Variants in PLD5 observed in about 807,000 individuals in gnomAD.
PLD5 encodes inactive phospholipase D5.
Under a neutral mutation model 61.1 loss-of-function variants are expected in PLD5, and 36 were observed. The ratio of observed to expected loss-of-function variants is 0.59; its 90% CI spans 0.45 to 0.78. PLD5 has a LOEUF of 0.78. Ranked by LOEUF, PLD5 falls within the 30% of genes least tolerant of loss-of-function variation. The pLI, the probability that PLD5 is intolerant of heterozygous loss-of-function variation, is 0.00. For synonymous variants in PLD5, 243 were observed against 242.8 expected, an observed-to-expected ratio of 1.00 and a Z score of -0.01; for missense variants, 515 against 644.4, an observed-to-expected ratio of 0.80 and a Z score of 2.17.
At chr1:242,396,697 G>A (rs1479889158) in intron 1 of PLD5, among the ~76,000 whole-genome samples, 3 of 116,356 alleles carry the variant, frequency 2.6e-5, no homozygotes, top group South Asian at 3.1e-4. Context: ...TTTTTGAGAC[G>A]GAGTCTCACT....
At chr1:242,329,288 G>T (rs111602988) in intron 2 of PLD5, among the ~76,000 whole-genome samples, 2 of 152,108 alleles carry the variant, frequency 1.3e-5, no homozygotes, top group African/African-American at 4.8e-5. Context: ...GGGATTATAC[G>T]CATGAGCCAC....
intron 1 of PLD5, among the ~76,000 whole-genome samples, chr1:242,515,265 T>A (rs1357337365): frequency 6.6e-6 from 1 of 151,816 alleles, no homozygotes. Context: ...CAGGCTGGAG[T>A]GCAATGGCAC....
chr1:242,355,004 T>G (rs1660681240), intron 1 of PLD5, among the ~76,000 whole-genome samples: 1 of 152,054 alleles, frequency 6.6e-6, no homozygotes, highest in African/African-American at 2.4e-5. Flanking sequence ...CCTTTTCATG[T>G]GTTGTTGAAT....
rs1667337645 is a variant in PLD5 at position 242,468,312 on chromosome 1, A to T, written c.189+55776T>A. Among the ~76,000 whole-genome samples, 4 of 152,346 alleles carry T rather than the reference A, an allele frequency of 2.6e-5. No homozygotes were observed. The South Asian group carries it at 8.3e-4, about 32-fold the overall frequency. On this transcript the variant is annotated intron_variant, in intron 1 of 9. Transcript: ENST00000536534. Reference sequence around the variant, plus strand: ...GGTTAGATCAACACCTAATATACAGACAAACTGTATGTAATAGCCTCATAA... The same window carrying T: ...GGTTAGATCAACACCTAATATACAGTCAAACTGTATGTAATAGCCTCATAA...
At chr1:242,309,043 A>T (rs1676540254) in intron 2 of PLD5, among the ~76,000 whole-genome samples, 1 of 152,156 alleles carries the variant, frequency 6.6e-6, no homozygotes, top group Admixed American at 6.5e-5. Context: ...GAAGAAACTT[A>T]TGAGAAATCA....
Position 242,124,465 on chromosome 1 carries a change from C to T in PLD5, c.933+3G>A. 6.2e-7 allele frequency: 1 copy of T among 1,612,874 alleles called. No individual in the cohort carries two copies. The highest frequency in any genetic ancestry group is 1.3e-5 in the African/African-American group (1 of 74,968). On this transcript the variant is annotated splice_donor_region_variant and intron_variant, in intron 6 of 9. Transcript: ENST00000536534. ...AGGGGAGGAGAAAGGGAAAACAACTCACCGATACAAATGCTTGAGATTTGG... is the reference window on the plus strand; with the variant it reads ...AGGGGAGGAGAAAGGGAAAACAACTTACCGATACAAATGCTTGAGATTTGG...
intron 1 of PLD5, among the ~76,000 whole-genome samples, chr1:242,442,745 A>G (rs1666335369): frequency 6.6e-6 from 1 of 152,240 alleles, no homozygotes; most frequent in Non-Finnish European, 1.5e-5. Flanking sequence ...CAGGGAAAGG[A>G]AACACTTATA....
chr1:242,407,130 GT>G (rs1664274480), intron 1 of PLD5, among the ~76,000 whole-genome samples: 1 of 152,126 alleles, frequency 6.6e-6, no homozygotes, highest in South Asian at 2.1e-4. Context: ...TCTCATGATA[GT>G]GAGTAAGTCT....
intron 1 of PLD5, among the ~76,000 whole-genome samples, chr1:242,505,241 C>T (rs899151103): frequency 2.6e-5 from 4 of 152,128 alleles, no homozygotes; most frequent in South Asian, 2.1e-4. Flanking sequence ...CCCTAAAAAA[C>T]TGTCAAGTGA....
chr1:242,323,983 GAGTA>G (rs1558464826), intron 2 of PLD5, among the ~76,000 whole-genome samples: 1 of 152,052 alleles, frequency 6.6e-6, no homozygotes, highest in Non-Finnish European at 1.5e-5. Flanking sequence ...AAAAAAGAGA[GAGTA>G]AGTACATCCC....
chr1:242,093,048 A>G (rs1299149484), intron 9 of PLD5, among the ~76,000 whole-genome samples: 1 of 152,156 alleles, frequency 6.6e-6, no homozygotes, highest in Non-Finnish European at 1.5e-5. Context: ...CAGTGGCTTC[A>G]TGATAGACAT....
At chr1:242,118,402 AG>A (rs1662113451) in intron 6 of PLD5, among the ~76,000 whole-genome samples, 2 of 152,358 alleles carry the variant, frequency 1.3e-5, no homozygotes, top group South Asian at 4.1e-4. Flanking sequence ...TCAGTGACCA[AG>A]ACAAGATCCC....
intron 6 of PLD5, among the ~76,000 whole-genome samples, chr1:242,122,465 C>T (rs905532222): frequency 6.6e-5 from 10 of 152,214 alleles, no homozygotes; most frequent in African/African-American, 2.2e-4. Flanking sequence ...TCTGATCAAG[C>T]GATCCACGCT....
intron 5 of PLD5, among the ~76,000 whole-genome samples, chr1:242,187,362 T>TTGAG (rs1168756556): frequency 7.2e-4 from 109 of 152,350 alleles, no homozygotes; most frequent in African/African-American, 2.6e-3. Context: ...GGTCGTTTCC[T>TTGAG]TGAGTCATCA....
At chr1:242,378,659 G>C (rs1285229464) in intron 1 of PLD5, among the ~76,000 whole-genome samples, 1 of 151,948 alleles carries the variant, frequency 6.6e-6, no homozygotes, top group South Asian at 2.1e-4. Flanking sequence ...TGGCCAGCAC[G>C]ACAAAACCCT....
intron 1 of PLD5, among the ~76,000 whole-genome samples, chr1:242,510,965 T>C (rs2654893): frequency 0.92 from 140,502 of 152,284 alleles, 64,987 homozygotes; most frequent in East Asian, 1. Flanking sequence ...AGAGTGGACC[T>C]TGTGGGGGCT....
At chr1:242,266,592 T>A (rs368856670) in intron 3 of PLD5, among the ~76,000 whole-genome samples, 1 of 152,210 alleles carries the variant, frequency 6.6e-6, no homozygotes, top group South Asian at 2.1e-4. Flanking sequence ...AAAATGGTCT[T>A]CTTGTATTGA....
chr1:242,385,791 A>C (rs771895679), intron 1 of PLD5, among the ~76,000 whole-genome samples: 1 of 152,234 alleles, frequency 6.6e-6, no homozygotes, highest in Non-Finnish European at 1.5e-5. Context: ...TCAGAAAATG[A>C]TGGTCAACGA....
At chr1:242,182,829 T>G (rs1029870185) in intron 5 of PLD5, among the ~76,000 whole-genome samples, 1 of 151,722 alleles carries the variant, frequency 6.6e-6, no homozygotes, top group Admixed American at 6.6e-5. Context: ...GGCAACAGAG[T>G]GAGACTCTGT....
Sources: gnomAD v4.1 joint callset for allele counts (sites outside exome capture counted in the v4.1 genomes callset) on GRCh38, gnomAD v4.1.1 for gene constraint, MANE v1.5 for transcripts, NCBI Gene and HGNC (gene_info 2026-07-23, HGNC 2026-07-21) for gene names.